KCNB2: variants seen among roughly 807,000 people sequenced by gnomAD.
KCNB2 encodes potassium voltage-gated channel subfamily B member 2.
A neutral mutation model predicts 61.5 loss-of-function variants in KCNB2; 15 were observed. That is an observed-to-expected ratio of 0.24 (90% CI 0.16 to 0.38). The LOEUF (loss-of-function observed/expected upper bound fraction) is 0.38, where lower values mean the gene tolerates loss of function less well. KCNB2 is among the 10% of genes least tolerant of loss of function. KCNB2 has a pLI of 1.00. For synonymous variants in KCNB2, 457 were observed against 446.0 expected (o/e 1.02, Z -0.31); for missense variants, 828 against 1,125.2 (o/e 0.74, Z 3.78).
At chr8:72,792,975 C>T (rs1005102076) in intron 2 of KCNB2, among the ~76,000 whole-genome samples, 1 of 152,196 alleles carries the variant, frequency 6.6e-6, no homozygotes, top group African/African-American at 2.4e-5. Flanking sequence ...AACACCCTTT[C>T]CCTCTCCCCT....
chr8:72,836,589 C>A (rs1809786263), intron 2 of KCNB2, among the ~76,000 whole-genome samples: 1 of 152,142 alleles, frequency 6.6e-6, no homozygotes, highest in African/African-American at 2.4e-5. Flanking sequence ...TATCTTTGTA[C>A]CTTCTTATTC....
intron 2 of KCNB2, among the ~76,000 whole-genome samples, chr8:72,729,961 G>C (rs188927389): frequency 1.3e-3 from 201 of 152,232 alleles, no homozygotes; most frequent in African/African-American, 4.7e-3. Flanking sequence ...ATGGGGGGCA[G>C]AGAATAAACT....
intron 2 of KCNB2, among the ~76,000 whole-genome samples, chr8:72,721,420 C>T (rs1031500845): frequency 2.6e-5 from 4 of 152,220 alleles, no homozygotes; most frequent in Non-Finnish European, 5.9e-5. Context: ...GCCATATTCC[C>T]ACTATCTAGC....
intron 2 of KCNB2, among the ~76,000 whole-genome samples, chr8:72,908,410 A>G (rs1189850645): frequency 1.3e-5 from 2 of 152,168 alleles, no homozygotes; most frequent in Non-Finnish European, 2.9e-5. Flanking sequence ...AACAGGAGCC[A>G]TGTCTGATTT....
At chr8:72,613,741 C>G (rs1805575621) in intron 2 of KCNB2, among the ~76,000 whole-genome samples, 1 of 152,206 alleles carries the variant, frequency 6.6e-6, no homozygotes, top group Non-Finnish European at 1.5e-5. Flanking sequence ...TGTGGTTAAA[C>G]AGTGCACTTG....
chr8:72,775,424 G>T (rs1003295522), intron 2 of KCNB2, among the ~76,000 whole-genome samples: 8 of 152,156 alleles, frequency 5.3e-5, no homozygotes, highest in South Asian at 2.1e-4. Flanking sequence ...GAATGAGAAG[G>T]CCCAAGGAAT....
chr8:72,616,487 C>G (rs1805621632), intron 2 of KCNB2, among the ~76,000 whole-genome samples: 1 of 152,138 alleles, frequency 6.6e-6, no homozygotes, highest in African/African-American at 2.4e-5. Flanking sequence ...AGCTCTTAGG[C>G]TTTTTTCTTT....
chr8:72,572,794 T>C (rs1806732586), intron 2 of KCNB2, among the ~76,000 whole-genome samples: 1 of 152,178 alleles, frequency 6.6e-6, no homozygotes, highest in African/African-American at 2.4e-5. Flanking sequence ...CTACGTAAGT[T>C]TTTTTATTCC....
At position 72,851,580 on chromosome 8, in the gene KCNB2, C is replaced by T. The variant is rs369899075; in HGVS notation, c.580-84355C>T. On this transcript the variant is annotated intron_variant, in intron 2 of 2. Coordinates refer to ENST00000523207, the MANE Select transcript of KCNB2 (RefSeq NM_004770.3). ...CTTCCATCACTTTCTCATAGTAGCACGAACCCTTCGAGAACAGGCAAGTTG... is the reference window on the plus strand; with the variant it reads ...CTTCCATCACTTTCTCATAGTAGCATGAACCCTTCGAGAACAGGCAAGTTG... Among the ~76,000 whole-genome samples the T allele has an allele frequency of 1.4e-3, 210 of 151,998 alleles. 1 individual carries two copies. The highest frequency in any genetic ancestry group is 2.6e-3 in the Non-Finnish European group (179 of 67,994).
At position 72,559,123 on chromosome 8, in the gene KCNB2, A is replaced by G. The variant is rs184173944; in HGVS notation, c.-93-8519A>G. ...TTGTGTCTTTTTCTTTCTTTATTTT[A>G]TTTTGTTTTATTTTATTTTATTTTA... On this transcript the variant is annotated intron_variant, in intron 1 of 2. Coordinates refer to ENST00000523207, the MANE Select transcript of KCNB2 (RefSeq NM_004770.3). 5.9e-3 allele frequency among the ~76,000 whole-genome samples: 886 copies of G among 150,196 alleles called. 6 individuals carry two copies. The highest frequency in any genetic ancestry group is 0.021 in the African/African-American group (834 of 39,952).
chr8:72,919,973 C>A (rs1806477024), intron 2 of KCNB2, among the ~76,000 whole-genome samples: 1 of 152,082 alleles, frequency 6.6e-6, no homozygotes, highest in Admixed American at 6.5e-5. Flanking sequence ...AATCTCAATG[C>A]TATCACCTCT....
At chr8:72,652,112 T>A (rs775390158) in intron 2 of KCNB2, among the ~76,000 whole-genome samples, 2 of 152,178 alleles carry the variant, frequency 1.3e-5, no homozygotes, top group Non-Finnish European at 2.9e-5. Context: ...CCAAGCTTCA[T>A]TAGCCCATGC....
At chr8:72,587,634 T>C (rs1410560222) in intron 2 of KCNB2, among the ~76,000 whole-genome samples, 1 of 151,872 alleles carries the variant, frequency 6.6e-6, no homozygotes, top group African/African-American at 2.4e-5. Context: ...GAGACTGAGG[T>C]GGGAGAATTG....
At chr8:72,615,245 T>C (rs1034793275) in intron 2 of KCNB2, among the ~76,000 whole-genome samples, 1 of 152,228 alleles carries the variant, frequency 6.6e-6, no homozygotes, top group Non-Finnish European at 1.5e-5. Context: ...CTCACAGACC[T>C]GTCTGCCTCT....
At chr8:72,844,748 A>G (rs1433212909) in intron 2 of KCNB2, among the ~76,000 whole-genome samples, 4 of 152,276 alleles carry the variant, frequency 2.6e-5, no homozygotes, top group East Asian at 1.9e-4. Context: ...ATGCTTGTGT[A>G]TGCTTCATGA....
chr8:72,693,613 G>A (rs1317929618), intron 2 of KCNB2, among the ~76,000 whole-genome samples: 1 of 152,128 alleles, frequency 6.6e-6, no homozygotes, highest in African/African-American at 2.4e-5. Context: ...AAATATATAG[G>A]CAGTTCGTAA....
chr8:72,610,333 C>A (rs1208341623), intron 2 of KCNB2, among the ~76,000 whole-genome samples: 1 of 152,038 alleles, frequency 6.6e-6, no homozygotes, highest in African/African-American at 2.4e-5. Flanking sequence ...GAACTCTAAA[C>A]TAAGTTAAGG....
chr8:72,688,468 T>C (rs988332007), intron 2 of KCNB2, among the ~76,000 whole-genome samples: 1 of 151,892 alleles, frequency 6.6e-6, no homozygotes, highest in African/African-American at 2.4e-5. Flanking sequence ...TGAAAAAATA[T>C]CTCCCCCAAC....
intron 2 of KCNB2, among the ~76,000 whole-genome samples, chr8:72,779,803 C>T (rs1808724019): frequency 6.6e-6 from 1 of 152,130 alleles, no homozygotes; most frequent in African/African-American, 2.4e-5. Flanking sequence ...ATATTATTCT[C>T]AGCTCAGCAC....
Sources: allele counts gnomAD v4.1 joint callset (sites outside exome capture counted in the v4.1 genomes callset), GRCh38; gene constraint gnomAD v4.1.1; transcripts MANE v1.5; gene names NCBI Gene and HGNC (gene_info 2026-07-23, HGNC 2026-07-21).